Variants in CREM observed in about 807,000 individuals in gnomAD.
CREM encodes the protein cAMP-responsive element modulator.
Under a neutral mutation model 37.3 loss-of-function variants are expected in CREM, and 13 were observed. That is an observed-to-expected ratio of 0.35 (90% confidence interval 0.23 to 0.55). The LOEUF is 0.55. CREM is among the 20% of genes least tolerant of loss of function. CREM has a pLI of 0.88. For synonymous variants in CREM, 124 were observed against 120.2 expected (o/e 1.03, Z -0.21); for missense variants, 296 against 362.3 (o/e 0.82, Z 1.49).
intron 3 of CREM, among the ~76,000 whole-genome samples, chr10:35,158,847 G>A (rs7358222): frequency 8.3e-6 from 1 of 120,408 alleles, no homozygotes; most frequent in Non-Finnish European, 1.7e-5. Context: ...TACAGACTTA[G>A]AACTTATCTA....
At chr10:35,182,703 TTGGAA>T (rs1400046374) in intron 5 of CREM, among the ~76,000 whole-genome samples, 1 of 152,088 alleles carries the variant, frequency 6.6e-6, no homozygotes, top group Non-Finnish European at 1.5e-5. Context: ...AAAGTGAAAG[TTGGAA>T]TAGGCTGCTC....
At chr10:35,188,726 C>A (rs1172792661) in intron 6 of CREM, among the ~76,000 whole-genome samples, 2 of 148,138 alleles carry the variant, frequency 1.4e-5, no homozygotes, top group Admixed American at 1.4e-4. Flanking sequence ...ATGGCGTGAT[C>A]TCGGCTCACT....
In CREM at chr10:35,211,512, G is replaced by A. The variant is rs1238713750; in HGVS notation, c.*114G>A. On this transcript the variant is annotated 3_prime_UTR_variant, in exon 8 of 8. Transcript: ENST00000685392. The stretch of plus-strand genomic sequence containing the variant: ...CGTGTGACCCTTAAGAATCCAGTTT[G>A]GATTAGTGTTTGAAATTGAATTGGG... The A allele has an allele frequency of 6.7e-7, 1 of 1,500,804 alleles. No homozygotes were observed. Among genetic ancestry groups the A allele is most frequent in the East Asian group, 2.3e-5 (1 of 43,826 alleles). 93.0% of individuals were successfully genotyped at this position (1,500,804 alleles called of 1,614,324 possible).
intron 6 of CREM, chr10:35,195,810 C>T: frequency 1.9e-6 from 1 of 515,190 alleles, no homozygotes; most frequent in Non-Finnish European, 3.5e-6. Context: ...CGTATTTCAG[C>T]AGGGGAAGTG....
chr10:35,141,916 C>T (rs1438250818), intron 2 of CREM, among the ~76,000 whole-genome samples: 1 of 152,040 alleles, frequency 6.6e-6, no homozygotes, highest in Admixed American at 6.5e-5. Flanking sequence ...AACGCTGAGA[C>T]AGTGTTCAAG....
intron 3 of CREM, among the ~76,000 whole-genome samples, chr10:35,166,874 G>A (rs892483829): frequency 6.6e-6 from 1 of 152,182 alleles, no homozygotes; most frequent in East Asian, 1.9e-4. Flanking sequence ...GGGCACGGTG[G>A]CTCACACCTG....
At chr10:35,205,498 A>G (rs1387853773) in intron 6 of CREM, among the ~76,000 whole-genome samples, 1 of 152,140 alleles carries the variant, frequency 6.6e-6, no homozygotes. Flanking sequence ...GTGATTTTCT[A>G]GTAATGAGAA....
intron 3 of CREM, among the ~76,000 whole-genome samples, chr10:35,166,376 C>G (rs541559534): frequency 5.3e-5 from 8 of 152,022 alleles, no homozygotes; most frequent in African/African-American, 1.4e-4. Flanking sequence ...AGCCTGACAA[C>G]ATGGTGAAAC....
intron 6 of CREM, among the ~76,000 whole-genome samples, chr10:35,191,106 A>AT (rs1564936817): frequency 3.3e-5 from 5 of 151,196 alleles, no homozygotes; most frequent in East Asian, 1.9e-4. Flanking sequence ...TTATTTATTT[A>AT]TTATACTTTA....
intron 3 of CREM, chr10:35,167,433 G>T: frequency 2.8e-6 from 1 of 358,830 alleles, no homozygotes. Flanking sequence ...CTGCTATATT[G>T]TGAATTCACA....
intron 1 of CREM, among the ~76,000 whole-genome samples, chr10:35,135,195 G>A (rs2090240826): frequency 1.3e-5 from 2 of 152,106 alleles, no homozygotes; most frequent in African/African-American, 4.8e-5. Flanking sequence ...TCAAAATATG[G>A]CAGAGAAATC....
At chr10:35,145,651 C>T (rs1018496040) in intron 2 of CREM, among the ~76,000 whole-genome samples, 10 of 151,818 alleles carry the variant, frequency 6.6e-5, no homozygotes, top group Non-Finnish European at 7.4e-5. Flanking sequence ...TGGGGGCATG[C>T]GTCAGTAATC....
chr10:35,148,330 A>G (rs766133839), intron 2 of CREM, 38 bp from the exon 3 acceptor site: 1 of 1,586,216 alleles, frequency 6.3e-7, no homozygotes, highest in Non-Finnish European at 8.6e-7. Flanking sequence ...TACTTAAGAT[A>G]GGGCCTTAAT....
chr10:35,183,664 G>A (rs1004038260), intron 5 of CREM, among the ~76,000 whole-genome samples: 1 of 152,242 alleles, frequency 6.6e-6, no homozygotes, highest in African/African-American at 2.4e-5. Flanking sequence ...AGTTAATGCA[G>A]TGAGATTTCA....
At chr10:35,167,820 A>C (rs114159711) in intron 3 of CREM, 2 of 1,603,214 alleles carry the variant, frequency 1.2e-6, no homozygotes, top group Non-Finnish European at 1.7e-6. Flanking sequence ...GATGTCTGCT[A>C]TAAGTACCTT....
intron 3 of CREM, among the ~76,000 whole-genome samples, chr10:35,153,637 C>T (rs1211518451): frequency 6.6e-5 from 10 of 152,178 alleles, no homozygotes; most frequent in Admixed American, 6.5e-4. Context: ...AACTGACTTT[C>T]TGAAGTATAA....
At chr10:35,187,130 TAA>T (rs1564921643) in intron 5 of CREM, among the ~76,000 whole-genome samples, 9 of 77,296 alleles carry the variant, frequency 1.2e-4, no homozygotes, top group East Asian at 3.5e-4. Flanking sequence ...ATAAATATAT[TAA>T]TATATTAATA....
chr10:35,129,317 C>T (rs571864337), intron 1 of CREM, among the ~76,000 whole-genome samples: 2 of 152,282 alleles, frequency 1.3e-5, no homozygotes, highest in East Asian at 3.9e-4. Context: ...TTTACTTCTT[C>T]TTCCTGAATT....
chr10:35,198,635 C>G (rs2095289166), intron 6 of CREM, among the ~76,000 whole-genome samples: 1 of 151,806 alleles, frequency 6.6e-6, no homozygotes, highest in African/African-American at 2.4e-5. Context: ...TAAACTGATT[C>G]TGTTAGGAGC....
Sources: gnomAD v4.1 joint callset for allele counts (sites outside exome capture counted in the v4.1 genomes callset) on GRCh38, gnomAD v4.1.1 for gene constraint, MANE v1.5 for transcripts, NCBI Gene and HGNC (gene_info 2026-07-23, HGNC 2026-07-21) for gene names.